The following COL16A1 variants were observed in gnomAD, a reference collection of about 807,000 sequenced individuals.
The protein encoded by COL16A1 is collagen alpha-1(XVI) chain.
In COL16A1, 189 loss-of-function variants were observed where a neutral mutation model predicts 266.3. The ratio of observed to expected loss-of-function variants is 0.71; its 90% CI spans 0.63 to 0.80. COL16A1 has a LOEUF of 0.80. Among genes scored for constraint, COL16A1 ranks in the 30% least tolerant of loss-of-function variants. COL16A1 has a pLI of 0.00. For synonymous variants in COL16A1, 740 were observed against 782.3 expected (o/e 0.95, Z 0.90); for missense variants, 1,928 against 2,122.4 (o/e 0.91, Z 1.80).
At position 31,661,783 on chromosome 1, in the gene COL16A1, C is replaced by T. The variant is rs1347156900; in HGVS notation, c.3682-79G>A. The T allele has an allele frequency of 4.2e-6, 6 of 1,432,068 alleles. No homozygotes were observed. In the East Asian group the frequency reaches 1.4e-4, roughly 33 times the overall value. 88.7% of individuals were successfully genotyped at this position (1,432,068 alleles called of 1,614,324 possible). A position where few individuals can be genotyped will look rare whatever the true frequency, so the allele number is the denominator to read the frequency against. On this transcript the variant is annotated intron_variant, in intron 58 of 70. Coordinates refer to ENST00000373672, the MANE Select transcript of COL16A1 (RefSeq NM_001856.4). ...AACTCATACCTCTGTCCTCCCCTCT[C>T]TCCAGCCCTCCCCAGCTATCCTAAG...
At position 31,686,119 on chromosome 1, in the gene COL16A1, A is replaced by G; in HGVS notation, c.1856T>C (p.Val619Ala). ...PAGSPGPPGP[V>A]GPAGIKGAKG... ...CGCCCCTTTGATGCCTGCTGGCCCCACTGGTCCTGGTGGCCCCTGCATGTT... is the reference window on the plus strand; with the variant it reads ...CGCCCCTTTGATGCCTGCTGGCCCCGCTGGTCCTGGTGGCCCCTGCATGTT... The change falls in exon 28 of 71, where the codon GTG (valine) becomes GCG (alanine). Residue 619 changes from valine (V) to alanine (A), a missense_variant. Physicochemically the swap from Val to Ala is moderately conservative, Grantham distance 64. Transcript: ENST00000373672. The G allele has an allele frequency of 6.2e-7, 1 of 1,614,024 alleles. No homozygotes were observed. The highest frequency in any genetic ancestry group is 8.5e-7 in the Non-Finnish European group (1 of 1,179,988).
chr1:31,691,535 A>G (rs772885484), intron 18 of COL16A1, 23 bp from the exon 19 acceptor site: 2 of 1,613,972 alleles, frequency 1.2e-6, no homozygotes, highest in South Asian at 2.2e-5. Context: ...TAAGGTGGGC[A>G]TCAGAGAGCT....
intron 58 of COL16A1, 34 bp from the exon 59 acceptor site, chr1:31,661,738 G>GT: frequency 6.3e-7 from 1 of 1,585,804 alleles, no homozygotes; most frequent in Non-Finnish European, 8.5e-7. Context: ...TGAGACAAGA[G>GT]TTTTGCCCAG....
rs1642542385 is a variant in COL16A1 at position 31,670,323 on chromosome 1, G to T, written c.3195+279C>A. On this transcript the variant is annotated intron_variant, in intron 49 of 70. Transcript: ENST00000373672. This position sits in a 1 kb window ranked among gnomAD's most constrained non-coding sequence, Gnocchi z 4.5. ...ACTTGGGGGAGTGCTGCAAGATGGT[G>T]CGAGAAATGGAGAAGGAAGACAGAA... 3 of 387,732 alleles carry T rather than the reference G, an allele frequency of 7.7e-6. No individual in the cohort carries two copies. The highest frequency in any genetic ancestry group is 9.1e-5 in the Admixed American group (2 of 22,002). The allele number at this position is 387,732 out of a possible 1,614,324, so 24.0% of individuals were successfully genotyped here.
At chr1:31,679,922 C>T (rs936788449) in intron 40 of COL16A1, 71 bp from the exon 41 acceptor site, 12 of 1,539,400 alleles carry the variant, frequency 7.8e-6, no homozygotes, top group South Asian at 6.1e-5. Flanking sequence ...CGCGGGGCTG[C>T]GTGGGGAGGC....
In COL16A1 at chr1:31,692,401, A is replaced by G. The variant is rs1256434700; in HGVS notation, c.1194+73T>C. ...GACACCCTCTCCTCAGAGAACCCCG[A>G]CTCCTCCTTCCTCATGGCTGTAGAG... On this transcript the variant is annotated intron_variant, in intron 16 of 70. Coordinates refer to ENST00000373672, the MANE Select transcript of COL16A1 (RefSeq NM_001856.4). 77 of 1,547,292 alleles carry G rather than the reference A, an allele frequency of 5.0e-5. 1 individual carries two copies. In the South Asian group the frequency reaches 8.8e-4, roughly 18 times the overall value.
intron 20 of COL16A1, 61 bp from the exon 21 acceptor site, chr1:31,690,634 C>T (rs1644221074): frequency 6.3e-7 from 1 of 1,589,398 alleles, no homozygotes; most frequent in Admixed American, 1.7e-5. Context: ...CGGTGCGTTC[C>T]CCCTTCCCCA....
At position 31,684,862 on chromosome 1, in the gene COL16A1, G is replaced by A. The variant is rs1643894322; in HGVS notation, c.2017-6C>T. 1 of 1,613,778 alleles carries A rather than the reference G, an allele frequency of 6.2e-7. No homozygotes were observed. The highest frequency in any genetic ancestry group is 2.2e-5 in the East Asian group (1 of 44,878). ...CCACGCTCTCCAGCCTTGCCCTGAG[G>A]AGAAAGCATTTCCAGCACCCGCTCA... On this transcript the variant is annotated splice_polypyrimidine_tract_variant and splice_region_variant and intron_variant, in intron 29 of 70. Coordinates refer to ENST00000373672, the MANE Select transcript of COL16A1 (RefSeq NM_001856.4).
rs1641779226 is a variant in COL16A1 at position 31,662,611 on chromosome 1, C to T, written c.3603G>A (p.Gly1201=). ...CCTGAATCCCAGGAGGTCCCGGTGG[C>T]CCAGGGGAGCCAGGCAGGCCTGATG... The part of the protein sequence containing the change: ...RGPSGLPGSP[G]PPGPPGIQGP... The change falls in exon 57 of 71, where the codon GGG becomes GGA. Residue 1201 remains glycine, a synonymous_variant. Transcript: ENST00000373672. The T allele has an allele frequency of 1.3e-6, 2 of 1,566,062 alleles. No homozygotes were observed. Among genetic ancestry groups the T allele is most frequent in the African/African-American group, 1.4e-5 (1 of 73,872 alleles).
chr1:31,683,041 T>G, intron 36 of COL16A1, 39 bp from the exon 37 acceptor site: 1 of 1,613,488 alleles, frequency 6.2e-7, no homozygotes, highest in Non-Finnish European at 8.5e-7. Context: ...GGGGCAGAAT[T>G]GGAAGCCAGC....
intron 13 of COL16A1, 134 bp downstream of exon 13, chr1:31,692,958 C>T: frequency 1.1e-6 from 1 of 936,286 alleles, no homozygotes; most frequent in African/African-American, 1.6e-5. Context: ...AAGACCCTGG[C>T]CCTCACCCCC....
At position 31,683,191 on chromosome 1, in the gene COL16A1, C is replaced by T. The variant is rs763186414; in HGVS notation, c.2469+3G>A. On this transcript the variant is annotated splice_donor_region_variant and intron_variant, in intron 36 of 70. Transcript: ENST00000373672. Reference sequence around the variant, plus strand: ...CCCAATACCCATGGAGGCAGAGGCTCACCTGGGCACCCTTCTCTCCAGTGG... The same window carrying T: ...CCCAATACCCATGGAGGCAGAGGCTTACCTGGGCACCCTTCTCTCCAGTGG... 6.2e-6 allele frequency: 10 copies of T among 1,614,054 alleles called. No homozygotes were observed. Among genetic ancestry groups the T allele is most frequent in the South Asian group, 1.1e-5 (1 of 91,084 alleles).
chr1:31,692,305 A>G lies in COL16A1; in HGVS notation c.1194+169T>C, dbSNP rs144278165. The stretch of plus-strand genomic sequence containing the variant: ...GCATTTCCCTCTAGGTCGGCTGGGT[A>G]TTTGGACGAGGCAGGGTGACTGGGG... On this transcript the variant is annotated intron_variant, in intron 16 of 70. Transcript: ENST00000373672. 7.1e-4 allele frequency among the ~76,000 whole-genome samples: 95 copies of G among 134,680 alleles called. 3 individuals carry two copies. The East Asian group carries it at 0.023, about 33-fold the overall frequency. 88.4% of individuals were successfully genotyped at this position (134,680 alleles called of 152,430 possible).
rs373328488 is a variant in COL16A1, at chr1:31,670,581, C to T, written c.3195+21G>A. The T allele has an allele frequency of 5.0e-4, 682 of 1,370,446 alleles. 1 individual carries two copies. The African/African-American group carries it at 9.4e-3, about 19-fold the overall frequency. The allele number at this position is 1,370,446 out of a possible 1,614,324, so 84.9% of individuals were successfully genotyped here. On this transcript the variant is annotated intron_variant, in intron 49 of 70. Coordinates refer to ENST00000373672, the MANE Select transcript of COL16A1 (RefSeq NM_001856.4). This position sits in a 1 kb window ranked among gnomAD's most constrained non-coding sequence, Gnocchi z 4.5. Reference sequence around the variant, plus strand: ...CTGGCTGACGGGGGGGAGGGGAGGTCGAGCAGCGCTAGGTTCTTACAGGCA... The same window carrying T: ...CTGGCTGACGGGGGGGAGGGGAGGTTGAGCAGCGCTAGGTTCTTACAGGCA...
intron 44 of COL16A1, chr1:31,673,250 C>A (rs908287212): frequency 3.3e-6 from 1 of 303,384 alleles, no homozygotes; most frequent in African/African-American, 2.2e-5. Context: ...AAAGGAACAG[C>A]TGCGGGAGGA....
At chr1:31,673,836 A>C (rs1455596755) in intron 44 of COL16A1, among the ~76,000 whole-genome samples, 1 of 152,230 alleles carries the variant, frequency 6.6e-6, no homozygotes, top group African/African-American at 2.4e-5. Flanking sequence ...GCTCTGGGTC[A>C]GCATGCCCCG....
intron 44 of COL16A1, 110 bp downstream of exon 44, chr1:31,674,897 G>T: frequency 6.6e-7 from 1 of 1,505,836 alleles, no homozygotes; most frequent in Non-Finnish European, 9.0e-7. Context: ...CGTATTCCCT[G>T]CAAACTGCTG....
chr1:31,654,125 AC>A (rs1640891658), intron 68 of COL16A1, 82 bp from the exon 69 acceptor site: 1 of 1,526,570 alleles, frequency 6.6e-7, no homozygotes, highest in Non-Finnish European at 8.8e-7. Flanking sequence ...CATATAGGCC[AC>A]CAGCATGAAG....
In COL16A1 at chr1:31,666,090, A is replaced by T. The variant is rs765092336; in HGVS notation, c.3358-9T>A. ...TCAGATCCTGGGGGGCCCTAAGGAT[A>T]CAAAGGAACAGAATCAGTCACTCCT... is the stretch of plus-strand genomic sequence containing the variant. On this transcript the variant is annotated splice_polypyrimidine_tract_variant and intron_variant, in intron 52 of 70. Coordinates refer to ENST00000373672, the MANE Select transcript of COL16A1 (RefSeq NM_001856.4). 90 of 1,607,716 alleles carry T rather than the reference A, an allele frequency of 5.6e-5. No individual in the cohort carries two copies. The highest frequency in any genetic ancestry group is 3.4e-6 in the Non-Finnish European group (4 of 1,178,426).
Sources: allele counts gnomAD v4.1 joint callset (sites outside exome capture counted in the v4.1 genomes callset), GRCh38; gene constraint gnomAD v4.1.1; non-coding constraint Gnocchi (gnomAD v3.1); transcripts MANE v1.5; gene names NCBI Gene and HGNC (gene_info 2026-07-23, HGNC 2026-07-21).